Variants in EN2 observed in about 807,000 individuals in gnomAD.
The protein encoded by EN2 is engrailed homeobox 2.
In EN2, 7 loss-of-function variants were observed where a neutral mutation model predicts 25.0. The ratio of observed to expected loss-of-function variants is 0.28; its 90% CI spans 0.16 to 0.53. EN2 has a LOEUF of 0.53. Among genes scored for constraint, EN2 ranks in the 20% least tolerant of loss-of-function variants. The pLI, the probability that EN2 is intolerant of heterozygous loss-of-function variation, is 0.96. For missense variants in EN2, 524 were observed against 501.8 expected (o/e 1.04, Z -0.42); for synonymous variants, 277 against 243.3 (o/e 1.14, Z -1.29).
intron 1 of EN2, among the ~76,000 whole-genome samples, chr7:155,460,052 G>C (rs1413872199): frequency 6.6e-6 from 1 of 152,202 alleles, no homozygotes; most frequent in Non-Finnish European, 1.5e-5. Flanking sequence ...CAACTATTTT[G>C]CGGGGGTCAT....
At chr7:155,459,105 G>A (rs1795666093) in intron 1 of EN2, 43 bp downstream of exon 1, 4 of 1,516,274 alleles carry the variant, frequency 2.6e-6, no homozygotes, top group Non-Finnish European at 3.5e-6. Flanking sequence ...CCGCGGGGAG[G>A]CCCGCGGAGC....
At chr7:155,462,325 C>T in intron 1 of EN2, 46 bp from the exon 2 acceptor site, 6 of 1,548,476 alleles carry the variant, frequency 3.9e-6, no homozygotes, top group Non-Finnish European at 4.3e-6. Context: ...TTGGGTGGCA[C>T]ACCTCTGGGT....
intron 1 of EN2, among the ~76,000 whole-genome samples, chr7:155,460,941 A>G (rs1447345267): frequency 6.6e-6 from 1 of 152,200 alleles, no homozygotes; most frequent in African/African-American, 2.4e-5. Context: ...TGGTGCCCAC[A>G]GATCCTCTTT....
At position 155,462,921 on chromosome 7, in the gene EN2, A is replaced by T; in HGVS notation, c.*234A>T. On this transcript the variant is annotated 3_prime_UTR_variant, in exon 2 of 2. Coordinates refer to ENST00000297375, the MANE Select transcript of EN2 (RefSeq NM_001427.4). ...GTGTTTATGAGATTATGCTAATTTT[A>T]TGGGTTTTTTTCTTTTTTGCGAAGG... is the stretch of plus-strand genomic sequence containing the variant. 1 of 468,094 alleles carries T rather than the reference A, an allele frequency of 2.1e-6. No homozygotes were observed. Among genetic ancestry groups the T allele is most frequent in the Non-Finnish European group, 3.4e-6 (1 of 292,392 alleles). 29.0% of individuals were successfully genotyped at this position (468,094 alleles called of 1,614,324 possible). A position where few individuals can be genotyped will look rare whatever the true frequency, so the allele number is the denominator to read the frequency against.
Position 155,462,382 on chromosome 7 carries a change from C to T in EN2, c.697C>T (p.Arg233Ter), listed in dbSNP as rs997306287. The T allele has an allele frequency of 6.2e-7, 1 of 1,609,332 alleles. No homozygotes were observed. The highest frequency in any genetic ancestry group is 1.7e-5 in the Admixed American group (1 of 59,142). Residue 233 changes from arginine to a stop codon, truncating the protein, a stop_gained, in exon 2 of 2, where the codon CGA becomes TGA. Transcript: ENST00000297375. LOFTEE classifies it high-confidence loss of function. Reference sequence around the variant, plus strand: ...CCGTATCTACCCAGGTCCCAGGTCTCGAAAACCAAAGAAGAAGAACCCGAA... The same window carrying T: ...CCGTATCTACCCAGGTCCCAGGTCTTGAAAACCAAAGAAGAAGAACCCGAA... ...SDRPSSGPRS[R>*]KPKKKNPNKE...
At position 155,458,626 on chromosome 7, in the gene EN2, G is replaced by A. The variant is rs749011148; in HGVS notation, c.249G>A (p.Lys83=). Residue 83 remains lysine (K), a synonymous_variant, in exon 1 of 2, where the codon AAG becomes AAA. Coordinates refer to ENST00000297375, the MANE Select transcript of EN2 (RefSeq NM_001427.4). The part of the protein sequence containing the change: ...NILRPEFGRR[K]DAGTCCAGAG... ...TGCGGCCCGAGTTCGGCCGGCGAAAGGACGCGGGGACCTGCTGTGCGGGCG... is the reference window on the plus strand; with the variant it reads ...TGCGGCCCGAGTTCGGCCGGCGAAAAGACGCGGGGACCTGCTGTGCGGGCG... 2.8e-6 allele frequency: 4 copies of A among 1,453,542 alleles called. No individual in the cohort carries two copies. Among genetic ancestry groups the A allele is most frequent in the Middle Eastern group, 1.9e-4 (1 of 5,330 alleles). The allele number at this position is 1,453,542 out of a possible 1,614,324, so 90.0% of individuals were successfully genotyped here.
At position 155,458,135 on chromosome 7, in the gene EN2, A is replaced by G; in HGVS notation, c.-243A>G. 2 of 399,352 alleles carry G rather than the reference A, an allele frequency of 5.0e-6. No homozygotes were observed. Among genetic ancestry groups the G allele is most frequent in the Non-Finnish European group, 4.3e-6 (1 of 233,512 alleles). The allele number at this position is 399,352 out of a possible 1,614,324, so 24.7% of individuals were successfully genotyped here. On this transcript the variant is annotated 5_prime_UTR_variant, in exon 1 of 2. Coordinates refer to ENST00000297375, the MANE Select transcript of EN2 (RefSeq NM_001427.4). The stretch of plus-strand genomic sequence containing the variant: ...AGGACTTGGCTCTGTTGAATCTCTC[A>G]TCGTCTGGGCGAGCGGGGCGGCTCG...
chr7:155,462,399 G>C lies in EN2; in HGVS notation c.714G>C (p.Lys238Asn), dbSNP rs1302869297. 1 of 1,611,662 alleles carries C rather than the reference G, an allele frequency of 6.2e-7. No individual in the cohort carries two copies. The highest frequency in any genetic ancestry group is 8.5e-7 in the Non-Finnish European group (1 of 1,179,444). Residue 238 changes from lysine (K) to asparagine (N), a missense_variant, in exon 2 of 2, where the codon AAG (lysine) becomes AAC (asparagine). Lys to Asn is a moderately conservative substitution (Grantham distance 94, BLOSUM62 0). Transcript: ENST00000297375. Reference sequence around the variant, plus strand: ...CCAGGTCTCGAAAACCAAAGAAGAAGAACCCGAACAAAGAGGACAAGCGGC... The same window carrying C: ...CCAGGTCTCGAAAACCAAAGAAGAACAACCCGAACAAAGAGGACAAGCGGC... ...SGPRSRKPKK[K>N]NPNKEDKRPR...
rs745737925 is a variant in EN2, at chr7:155,458,453, G to A, written c.76G>A (p.Gly26Ser). 15 of 1,304,342 alleles carry A rather than the reference G, an allele frequency of 1.2e-5. No homozygotes were observed. Among genetic ancestry groups the A allele is most frequent in the African/African-American group, 4.6e-5 (3 of 64,632 alleles). 80.8% of individuals were successfully genotyped at this position (1,304,342 alleles called of 1,614,324 possible). The change falls in exon 1 of 2, where the codon GGC becomes AGC. Residue 26 changes from glycine (G) to serine (S), a missense_variant. Physicochemically the swap from Gly to Ser is moderately conservative, Grantham distance 56 (BLOSUM62 0). Transcript: ENST00000297375. ...EGQRQPESSP[G>S]GGSGGGGGSS... The stretch of plus-strand genomic sequence containing the variant: ...ACAGCGGCAGCCGGAATCCAGCCCC[G>A]GCGGCGGCTCGGGCGGCGGCGGCGG...
intron 1 of EN2, 101 bp from the exon 2 acceptor site, chr7:155,462,270 G>C: frequency 7.4e-7 from 1 of 1,354,052 alleles, no homozygotes; most frequent in Non-Finnish European, 1.0e-6. Context: ...GGCCTTGGGC[G>C]AGTCACTTCC....
Position 155,458,967 on chromosome 7 carries a change from C to T in EN2, c.590C>T (p.Ser197Leu), listed in dbSNP as rs1795663409. Residue 197 changes from serine (S) to leucine (L), a missense_variant, in exon 1 of 2, where the codon TCG becomes TTG. By Grantham distance (145) the Ser-to-Leu change is moderately radical. Transcript: ENST00000297375. The stretch of plus-strand genomic sequence containing the variant: ...GGCGACCTGTCGGTGAGCTCGGACT[C>T]GGACAGCTCGCAAGCCGGCGCCAAC... Reference protein sequence around the residue: ...GGGDLSVSSDSDSSQAGANLG... With the variant: ...GGGDLSVSSDLDSSQAGANLG... 1 of 1,538,516 alleles carries T rather than the reference C, an allele frequency of 6.5e-7. No individual in the cohort carries two copies. The highest frequency in any genetic ancestry group is 8.7e-7 in the Non-Finnish European group (1 of 1,151,828).
At chr7:155,460,742 C>T (rs921183836) in intron 1 of EN2, among the ~76,000 whole-genome samples, 1 of 152,108 alleles carries the variant, frequency 6.6e-6, no homozygotes, top group Non-Finnish European at 1.5e-5. Flanking sequence ...GAGGGCCAAC[C>T]CCATCTCCAA....
rs35869460 is a variant in EN2 at position 155,463,995 on chromosome 7, A to AACACACACACACACAC, written c.*1317_*1332dup. On this transcript the variant is annotated 3_prime_UTR_variant, in exon 2 of 2. Coordinates refer to ENST00000297375, the MANE Select transcript of EN2 (RefSeq NM_001427.4). ...TTACACATATGTCTGCATGCATGTG[A>AACACACACACACACAC]ACACACACACACACACACACACACC... 7.5e-6 allele frequency: 1 copy of AACACACACACACACAC among 133,380 alleles called. No homozygotes were observed. The highest frequency in any genetic ancestry group is 3.2e-4 in the East Asian group (1 of 3,126). The allele number at this position is 133,380 out of a possible 1,614,324, so 8.3% of individuals were successfully genotyped here. A position where few individuals can be genotyped will look rare whatever the true frequency, so the allele number is the denominator to read the frequency against.
At chr7:155,461,281 G>T (rs1795692569) in intron 1 of EN2, among the ~76,000 whole-genome samples, 1 of 152,220 alleles carries the variant, frequency 6.6e-6, no homozygotes. Context: ...CAGAGGCGAG[G>T]TCACCACTCC....
At chr7:155,461,382 C>T (rs1379182141) in intron 1 of EN2, among the ~76,000 whole-genome samples, 1 of 152,238 alleles carries the variant, frequency 6.6e-6, no homozygotes, top group Non-Finnish European at 1.5e-5. Flanking sequence ...ACACTTCCCT[C>T]CTTCTGCTCT....
Position 155,458,244 on chromosome 7 carries a change from G to A in EN2, c.-134G>A. The A allele has an allele frequency of 2.5e-6, 3 of 1,192,814 alleles. No individual in the cohort carries two copies. Among genetic ancestry groups the A allele is most frequent in the Non-Finnish European group, 2.1e-6 (2 of 941,950 alleles). 73.9% of individuals were successfully genotyped at this position (1,192,814 alleles called of 1,614,324 possible). A position where few individuals can be genotyped will look rare whatever the true frequency, so the allele number is the denominator to read the frequency against. On this transcript the variant is annotated 5_prime_UTR_variant, in exon 1 of 2. Transcript: ENST00000297375. Reference sequence around the variant, plus strand: ...GACTTGTAGGACCTCAGCCCTGGCCGCGGCCGCCGCGCACGCCCTCGGAAG... The same window carrying A: ...GACTTGTAGGACCTCAGCCCTGGCCACGGCCGCCGCGCACGCCCTCGGAAG...
At chr7:155,459,106 C>T (rs1394382468) in intron 1 of EN2, 44 bp downstream of exon 1, 2 of 1,515,554 alleles carry the variant, frequency 1.3e-6, no homozygotes, top group Non-Finnish European at 1.7e-6. Context: ...CGCGGGGAGG[C>T]CCGCGGAGCT....
chr7:155,462,230 A>G, intron 1 of EN2, 141 bp from the exon 2 acceptor site: 1 of 915,050 alleles, frequency 1.1e-6, no homozygotes, highest in Non-Finnish European at 1.7e-6. Flanking sequence ...TCCGAAGTCT[A>G]GCCCCACATC....
intron 1 of EN2, among the ~76,000 whole-genome samples, chr7:155,460,103 C>G (rs1005039353): frequency 9.9e-5 from 15 of 152,250 alleles, no homozygotes; most frequent in Non-Finnish European, 1.6e-4. Flanking sequence ...CCTTGGGCCG[C>G]CATCCCGCAG....
Sources: allele counts gnomAD v4.1 joint callset (sites outside exome capture counted in the v4.1 genomes callset), GRCh38; gene constraint gnomAD v4.1.1; transcripts MANE v1.5; gene names NCBI Gene and HGNC (gene_info 2026-07-23, HGNC 2026-07-21).